UGGT2: variants seen among roughly 807,000 people sequenced by gnomAD.
UGGT2 encodes the protein UDP-glucose glycoprotein glucosyltransferase 2, also known as UDP-glucose:glycoprotein glucosyltransferase 2.
Under a neutral mutation model 192.1 loss-of-function variants are expected in UGGT2, and 180 were observed. The ratio of observed to expected loss-of-function variants is 0.94; its 90% CI spans 0.83 to 1.06. The LOEUF (loss-of-function observed/expected upper bound fraction) is 1.06, where lower values mean the gene tolerates loss of function less well. Ranked by LOEUF, UGGT2 falls within the 50% of genes least tolerant of loss-of-function variation. UGGT2 has a pLI of 0.00. For synonymous variants in UGGT2, 580 were observed against 591.0 expected (o/e 0.98, Z 0.27); for missense variants, 1,849 against 1,795.7 (o/e 1.03, Z -0.54).
intron 26 of UGGT2, among the ~76,000 whole-genome samples, chr13:95,886,871 C>T (rs1488498682): frequency 6.6e-6 from 1 of 151,876 alleles, no homozygotes; most frequent in South Asian, 2.1e-4. Context: ...GGCAAGACCC[C>T]GTCTCTACAA....
intron 14 of UGGT2, 27 bp from the exon 15 acceptor site, chr13:95,947,199 G>A (rs1487933589): frequency 6.4e-7 from 1 of 1,552,866 alleles, no homozygotes; most frequent in Non-Finnish European, 8.7e-7. Flanking sequence ...AACAAGGACT[G>A]TTATAATTAC....
chr13:95,915,154 T>C (rs766563367), intron 20 of UGGT2, among the ~76,000 whole-genome samples: 12 of 152,198 alleles, frequency 7.9e-5, no homozygotes, highest in Non-Finnish European at 1.8e-4. Context: ...CTAGACACTC[T>C]GGTGGGAATA....
chr13:95,842,526 C>T (rs1337273381), intron 36 of UGGT2, among the ~76,000 whole-genome samples: 1 of 152,060 alleles, frequency 6.6e-6, no homozygotes, highest in African/African-American at 2.4e-5. Context: ...CCAATAATTC[C>T]TGACTTCTGG....
intron 12 of UGGT2, among the ~76,000 whole-genome samples, chr13:95,967,785 T>G (rs1594464271): frequency 6.6e-6 from 1 of 152,306 alleles, no homozygotes; most frequent in East Asian, 1.9e-4. Context: ...CATAACTTTT[T>G]AAAAGGATAT....
At chr13:95,921,352 A>AG (rs964402238) in intron 20 of UGGT2, among the ~76,000 whole-genome samples, 1 of 151,302 alleles carries the variant, frequency 6.6e-6, no homozygotes, top group Non-Finnish European at 1.5e-5. Context: ...TAAAGTTGAA[A>AG]AAAAAAAAAA....
At chr13:95,880,226 T>C (rs545591077) in intron 27 of UGGT2, among the ~76,000 whole-genome samples, 1 of 152,334 alleles carries the variant, frequency 6.6e-6, no homozygotes, top group South Asian at 2.1e-4. Flanking sequence ...TGTTAACAAT[T>C]GTCTGTAAAT....
chr13:95,968,647 G>A (rs958342188), intron 12 of UGGT2, among the ~76,000 whole-genome samples: 5 of 152,072 alleles, frequency 3.3e-5, no homozygotes, highest in Admixed American at 1.3e-4. Flanking sequence ...CCTCTGCTGC[G>A]AATTAAAGCT....
chr13:95,921,414 A>T (rs1473464722), intron 20 of UGGT2, among the ~76,000 whole-genome samples: 1 of 151,580 alleles, frequency 6.6e-6, no homozygotes, highest in Admixed American at 6.6e-5. Flanking sequence ...CAGATAGTGG[A>T]TAGGAAGCAG....
rs568769385 is a variant in UGGT2 at position 95,967,459 on chromosome 13, G to A, written c.1335+2653C>T. Among the ~76,000 whole-genome samples the A allele has an allele frequency of 5.3e-4, 75 of 140,300 alleles. 1 individual carries two copies. Among genetic ancestry groups the A allele is most frequent in the African/African-American group, 8.8e-4 (33 of 37,688 alleles). The allele number at this position is 140,300 out of a possible 152,430, so 92.0% of individuals were successfully genotyped here. A position where few individuals can be genotyped will look rare whatever the true frequency, so the allele number is the denominator to read the frequency against. ...GAGCCACCACGCCCAGCCCCCACGC[G>A]CACCCCCAACTTTTTTGTTTTTTTT... On this transcript the variant is annotated intron_variant, in intron 12 of 38. Coordinates refer to ENST00000376747, the MANE Select transcript of UGGT2 (RefSeq NM_020121.4).
chr13:95,920,633 C>A (rs2048815766), intron 20 of UGGT2, among the ~76,000 whole-genome samples: 1 of 152,166 alleles, frequency 6.6e-6, no homozygotes, highest in African/African-American at 2.4e-5. Context: ...ATCAAAACCA[C>A]AATGAGATAA....
In UGGT2 at chr13:95,963,983, GA is replaced by G. The variant is rs542536937; in HGVS notation, c.1335+6128del. The stretch of plus-strand genomic sequence containing the variant: ...AAGATATCATCATTTTTCAGAGATA[GA>G]AAAAAAATCCTAAAATTCGTATGGA... On this transcript the variant is annotated intron_variant, in intron 12 of 38. Coordinates refer to ENST00000376747, the MANE Select transcript of UGGT2 (RefSeq NM_020121.4). 2.9e-3 allele frequency among the ~76,000 whole-genome samples: 442 copies of G among 151,696 alleles called. 1 individual carries two copies. Among genetic ancestry groups the G allele is most frequent in the African/African-American group, 0.01 (419 of 41,354 alleles).
intron 1 of UGGT2, among the ~76,000 whole-genome samples, chr13:96,035,724 A>G (rs2052981591): frequency 6.6e-6 from 1 of 152,166 alleles, no homozygotes; most frequent in Non-Finnish European, 1.5e-5. Context: ...AAAAAAACAA[A>G]CGACCCCATT....
chr13:96,000,822 G>C (rs1049876347), intron 5 of UGGT2, among the ~76,000 whole-genome samples: 1 of 151,606 alleles, frequency 6.6e-6, no homozygotes, highest in Non-Finnish European at 1.5e-5. Flanking sequence ...TGTAGTTTTA[G>C]TAAGTTTGGA....
intron 17 of UGGT2, among the ~76,000 whole-genome samples, chr13:95,929,410 T>C (rs887767714): frequency 3.3e-5 from 5 of 152,186 alleles, no homozygotes; most frequent in Non-Finnish European, 4.4e-5. Flanking sequence ...GTAGTTAGCA[T>C]AGTACCAGAT....
chr13:96,037,378 T>C (rs1215097713), intron 1 of UGGT2, among the ~76,000 whole-genome samples: 1 of 152,226 alleles, frequency 6.6e-6, no homozygotes, highest in Non-Finnish European at 1.5e-5. Context: ...TTTGTATTTT[T>C]AGTAGAGACA....
Position 95,899,727 on chromosome 13 carries a change from G to A in UGGT2, c.2634+1080C>T, listed in dbSNP as rs779473920. 9.2e-5 allele frequency among the ~76,000 whole-genome samples: 14 copies of A among 152,142 alleles called. 1 individual carries two copies. The South Asian group carries it at 1.5e-3, about 16-fold the overall frequency. On this transcript the variant is annotated intron_variant, in intron 22 of 38. Coordinates refer to ENST00000376747, the MANE Select transcript of UGGT2 (RefSeq NM_020121.4). ...AGCTTTAGAACTGTTTTTAAAAGCT[G>A]TATTTCCTCCCAAAGTAACTTTTAA...
chr13:95,955,804 A>G (rs1398528632), intron 12 of UGGT2, among the ~76,000 whole-genome samples: 3 of 152,206 alleles, frequency 2.0e-5, no homozygotes, highest in African/African-American at 7.2e-5. Flanking sequence ...TAAAGTCTAT[A>G]AAGTGATATT....
chr13:95,953,996 G>A (rs1434362100), intron 12 of UGGT2, among the ~76,000 whole-genome samples: 1 of 152,118 alleles, frequency 6.6e-6, no homozygotes, highest in East Asian at 1.9e-4. Context: ...ACTACAGGTT[G>A]AGCATCCCTA....
chr13:95,835,385 C>G (rs144683439), intron 37 of UGGT2, among the ~76,000 whole-genome samples: 1 of 152,150 alleles, frequency 6.6e-6, no homozygotes, highest in Non-Finnish European at 1.5e-5. Context: ...CCAAAATGAC[C>G]TACACCACTA....
Sources: gnomAD v4.1 joint callset for allele counts (sites outside exome capture counted in the v4.1 genomes callset) on GRCh38, gnomAD v4.1.1 for gene constraint, MANE v1.5 for transcripts, NCBI Gene and HGNC (gene_info 2026-07-23, HGNC 2026-07-21) for gene names.